The following EPS8 variants were observed in gnomAD, a reference collection of about 807,000 sequenced individuals.
EPS8 encodes epidermal growth factor receptor kinase substrate 8.
In EPS8, 42 loss-of-function variants were observed where a neutral mutation model predicts 103.8. The ratio of observed to expected loss-of-function variants is 0.40; its 90% CI spans 0.32 to 0.52. The LOEUF (loss-of-function observed/expected upper bound fraction) is 0.52, where lower values mean the gene tolerates loss of function less well. Ranked by LOEUF, EPS8 falls within the 20% of genes least tolerant of loss-of-function variation. The pLI is 0.40. For synonymous variants in EPS8, 344 were observed against 344.6 expected, an observed-to-expected ratio of 1.00 and a Z score of 0.02; for missense variants, 969 against 1,005.1, an observed-to-expected ratio of 0.96 and a Z score of 0.49.
At chr12:15,720,442 T>C (rs1256477626) in intron 1 of EPS8, among the ~76,000 whole-genome samples, 1 of 152,150 alleles carries the variant, frequency 6.6e-6, no homozygotes, top group Non-Finnish European at 1.5e-5. Flanking sequence ...TGTGCCATCA[T>C]GCCCAACAAT....
chr12:15,676,379 C>T (rs1945908242), intron 3 of EPS8, among the ~76,000 whole-genome samples: 1 of 151,364 alleles, frequency 6.6e-6, no homozygotes, highest in Non-Finnish European at 1.5e-5. Context: ...TAGAAGCTCA[C>T]GTGTTATAAC....
chr12:15,647,327 C>CAA (rs1945337549), intron 14 of EPS8, 67 bp from the exon 15 acceptor site: 18 of 1,378,366 alleles, frequency 1.3e-5, no homozygotes, highest in Non-Finnish European at 1.8e-5. Flanking sequence ...TCAGGTCAGT[C>CAA]AACAAGATCT....
chr12:15,738,241 T>C lies in EPS8; in HGVS notation c.-22+50920A>G, dbSNP rs1463932722. On this transcript the variant is annotated intron_variant, in intron 1 of 20. Transcript: ENST00000281172. This position sits in a 1 kb window ranked among gnomAD's most constrained non-coding sequence, Gnocchi z 6.2. Reference sequence around the variant, plus strand: ...TCTCAACTGCCAGCTATATTTCCCATAGATGTAAATGATCATTTAGAAACA... The same window carrying C: ...TCTCAACTGCCAGCTATATTTCCCACAGATGTAAATGATCATTTAGAAACA... 6.6e-6 allele frequency among the ~76,000 whole-genome samples: 1 copy of C among 152,132 alleles called. No homozygotes were observed. Among genetic ancestry groups the C allele is most frequent in the Non-Finnish European group, 1.5e-5 (1 of 68,000 alleles).
rs192603910 is a variant in EPS8, at chr12:15,647,174, C to T, written c.1521G>A (p.Gly507=). 1.9e-6 allele frequency: 3 copies of T among 1,613,964 alleles called. No homozygotes were observed. The highest frequency in any genetic ancestry group is 2.7e-5 in the African/African-American group (2 of 75,030). The change falls in exon 15 of 21, where the codon GGG becomes GGA. Residue 507 remains glycine (G), a synonymous_variant. Coordinates refer to ENST00000281172, the MANE Select transcript of EPS8 (RefSeq NM_004447.6). The stretch of plus-strand genomic sequence containing the variant: ...TTGGCTTAAAAGCAACAGCAGCTTC[C>T]CCTTGGTCCAGGTGGGATCCTCTTG... ...IYTRGSHLDQ[G]EAAVAFKPTS...
Position 15,785,177 on chromosome 12 carries a change from C to G in EPS8, c.-22+3984G>C, listed in dbSNP as rs73316998. Among the ~76,000 whole-genome samples the G allele has an allele frequency of 0.011, 1,704 of 152,184 alleles. 36 individuals carry two copies. Among genetic ancestry groups the G allele is most frequent in the African/African-American group, 0.039 (1,633 of 41,556 alleles). ...GGAATGCAGATTGTAACAAAGAAAT[C>G]TAACTGTATTATAAATGTGTGCTAC... On this transcript the variant is annotated intron_variant, in intron 1 of 20. Coordinates refer to ENST00000281172, the MANE Select transcript of EPS8 (RefSeq NM_004447.6). The surrounding 1 kb of genome is among the most constrained non-coding windows in gnomAD (Gnocchi z 4.9).
rs1946766859 is a variant in EPS8, at chr12:15,736,367, G to T, written c.-22+52794C>A. Reference sequence around the variant, plus strand: ...GTTAACACTACGGAAATACTGAAGAGAATTTCATTCTTCTGTACAGAGGTT... The same window carrying T: ...GTTAACACTACGGAAATACTGAAGATAATTTCATTCTTCTGTACAGAGGTT... On this transcript the variant is annotated intron_variant, in intron 1 of 20. Transcript: ENST00000281172. The surrounding 1 kb of genome is among the most constrained non-coding windows in gnomAD (Gnocchi z 4.2). Among the ~76,000 whole-genome samples the T allele has an allele frequency of 6.6e-6, 1 of 152,144 alleles. No homozygotes were observed. Among genetic ancestry groups the T allele is most frequent in the South Asian group, 2.1e-4 (1 of 4,838 alleles).
rs753550175 is a variant in EPS8, at chr12:15,650,935, A to C, written c.1322T>G (p.Met441Arg). The C allele has an allele frequency of 4.3e-6, 7 of 1,614,108 alleles. No homozygotes were observed. Among genetic ancestry groups the C allele is most frequent in the Non-Finnish European group, 5.1e-6 (6 of 1,179,972 alleles). The change falls in exon 14 of 21, where the codon ATG becomes AGG. Residue 441 changes from methionine (M) to arginine (R), a missense_variant. Physicochemically the swap from Met to Arg is moderately conservative, Grantham distance 91. Coordinates refer to ENST00000281172, the MANE Select transcript of EPS8 (RefSeq NM_004447.6). ...CATTGTGGCTCCCATAAAGTTCAGC[A>C]TTGGGGGCTCCCAGCCATTGCGGAA... is the stretch of plus-strand genomic sequence containing the variant. ...PRFRNGWEPPMLNFMGATMEQ... is the reference protein window; with the variant it reads ...PRFRNGWEPPRLNFMGATMEQ...
At position 15,721,544 on chromosome 12, in the gene EPS8, A is replaced by C. The variant is rs1189489614; in HGVS notation, c.-21-38572T>G. Among the ~76,000 whole-genome samples the C allele has an allele frequency of 6.6e-6, 1 of 152,178 alleles. No homozygotes were observed. The highest frequency in any genetic ancestry group is 1.5e-5 in the Non-Finnish European group (1 of 68,022). The stretch of plus-strand genomic sequence containing the variant: ...TAAAAAATTTCATCTCCAAACCCCC[A>C]GGCAGCTCTCCAGTTAGAAGGCACA... On this transcript the variant is annotated intron_variant, in intron 1 of 20. Coordinates refer to ENST00000281172, the MANE Select transcript of EPS8 (RefSeq NM_004447.6). The surrounding 1 kb of genome is among the most constrained non-coding windows in gnomAD (Gnocchi z 4.4).
In EPS8 at chr12:15,760,299, A is replaced by G. The variant is rs781012916; in HGVS notation, c.-22+28862T>C. 4.8e-4 allele frequency among the ~76,000 whole-genome samples: 73 copies of G among 152,180 alleles called. No individual in the cohort carries two copies. The highest frequency in any genetic ancestry group is 2.1e-3 in the South Asian group (10 of 4,824). ...AGACCAAAAATAAGTAATAAAATTGAAGGTGTAATAAAAAATCTCCCAGTA... is the reference window on the plus strand; with the variant it reads ...AGACCAAAAATAAGTAATAAAATTGGAGGTGTAATAAAAAATCTCCCAGTA... On this transcript the variant is annotated intron_variant, in intron 1 of 20. Transcript: ENST00000281172. This position sits in a 1 kb window ranked among gnomAD's most constrained non-coding sequence, Gnocchi z 4.5.
intron 1 of EPS8, among the ~76,000 whole-genome samples, chr12:15,691,882 C>T (rs1250557291): frequency 2.6e-5 from 4 of 152,114 alleles, no homozygotes; most frequent in South Asian, 4.1e-4. Flanking sequence ...ATGTCCCCCT[C>T]GTTAATTTTA....
intron 1 of EPS8, among the ~76,000 whole-genome samples, chr12:15,740,820 T>C (rs961417498): frequency 1.3e-5 from 2 of 152,190 alleles, no homozygotes; most frequent in African/African-American, 4.8e-5. Flanking sequence ...AATACCTCCC[T>C]GTAGCGAAAT....
At chr12:15,652,805 A>G (rs530589185) in intron 13 of EPS8, among the ~76,000 whole-genome samples, 3 of 152,320 alleles carry the variant, frequency 2.0e-5, no homozygotes, top group South Asian at 2.1e-4. Flanking sequence ...AATAAGTGGA[A>G]AAGTTTGTAT....
At chr12:15,712,755 G>T in intron 1 of EPS8, 1 of 494,854 alleles carries the variant, frequency 2.0e-6, no homozygotes, top group Non-Finnish European at 2.6e-6. Flanking sequence ...TAAAAGTATT[G>T]CTACATGTTT....
chr12:15,669,665 T>G lies in EPS8; in HGVS notation c.365A>C (p.Lys122Thr), dbSNP rs753455405. The G allele has an allele frequency of 6.3e-7, 1 of 1,591,894 alleles. No homozygotes were observed. The highest frequency in any genetic ancestry group is 8.5e-7 in the Non-Finnish European group (1 of 1,169,670). ...ATAGTATAAATTTTACACACTTGCC[T>G]TTGATTCTAAATCAATCAGGCTCAC... ...RAVSLIDLES[K>T]NELENFPLNT... Residue 122 changes from lysine to threonine, a missense_variant and splice_region_variant, in exon 5 of 21, where the codon AAG becomes ACG. By Grantham distance (78) the Lys-to-Thr change is moderately conservative. Coordinates refer to ENST00000281172, the MANE Select transcript of EPS8 (RefSeq NM_004447.6).
At chr12:15,783,590 C>T (rs987778183) in intron 1 of EPS8, among the ~76,000 whole-genome samples, 14 of 152,204 alleles carry the variant, frequency 9.2e-5, no homozygotes, top group African/African-American at 2.6e-4. Flanking sequence ...CCCTGCAAAT[C>T]CTTTATTCCA....
At position 15,780,787 on chromosome 12, in the gene EPS8, A is replaced by G. The variant is rs1947253639; in HGVS notation, c.-22+8374T>C. ...TTTGTATTCCTGGTGTCTGGCACAG[A>G]ACAGATACTCAACAAACACTCGATA... On this transcript the variant is annotated intron_variant, in intron 1 of 20. Coordinates refer to ENST00000281172, the MANE Select transcript of EPS8 (RefSeq NM_004447.6). The surrounding 1 kb of genome is among the most constrained non-coding windows in gnomAD (Gnocchi z 4.1). 1 of 152,228 alleles carries G rather than the reference A, an allele frequency of 6.6e-6. No individual in the cohort carries two copies. The highest frequency in any genetic ancestry group is 1.5e-5 in the Non-Finnish European group (1 of 68,046). The allele number at this position is 152,228 out of a possible 1,614,324, so 9.4% of individuals were successfully genotyped here. A position where few individuals can be genotyped will look rare whatever the true frequency, so the allele number is the denominator to read the frequency against.
At chr12:15,626,944 C>T (rs1944957436) in intron 18 of EPS8, among the ~76,000 whole-genome samples, 1 of 152,160 alleles carries the variant, frequency 6.6e-6, no homozygotes, top group Non-Finnish European at 1.5e-5. Flanking sequence ...ACTCTCTATC[C>T]ACATAGTTTT....
intron 1 of EPS8, among the ~76,000 whole-genome samples, chr12:15,710,093 G>A (rs1375006673): frequency 4.5e-5 from 1 of 21,982 alleles, no homozygotes; most frequent in African/African-American, 5.0e-5. Context: ...CAGGGGTTGG[G>A]GGACCCCTGG....
intron 8 of EPS8, 76 bp from the exon 9 acceptor site, chr12:15,662,175 T>A (rs1228546079): frequency 1.9e-6 from 3 of 1,562,306 alleles, no homozygotes; most frequent in Non-Finnish European, 1.8e-6. Flanking sequence ...AACATAAAAA[T>A]TAGTTAAAAA....
Sources: allele counts gnomAD v4.1 joint callset (sites outside exome capture counted in the v4.1 genomes callset), GRCh38; gene constraint gnomAD v4.1.1; non-coding constraint Gnocchi (gnomAD v3.1); transcripts MANE v1.5; gene names NCBI Gene and HGNC (gene_info 2026-07-23, HGNC 2026-07-21).